LRRTM4: variants seen among roughly 807,000 people sequenced by gnomAD.
The protein encoded by LRRTM4 is leucine-rich repeat transmembrane neuronal protein 4.
LRRTM4 carries 25 observed loss-of-function variants against 47.6 expected under a neutral mutation model. The ratio of observed to expected loss-of-function variants is 0.53; its 90% CI spans 0.38 to 0.73. The LOEUF (loss-of-function observed/expected upper bound fraction) is 0.73, where lower values mean the gene tolerates loss of function less well. Among genes scored for constraint, LRRTM4 ranks in the 30% least tolerant of loss-of-function variants. The pLI is 0.00. For synonymous variants in LRRTM4, 311 were observed against 269.5 expected (o/e 1.15, Z -1.51); for missense variants, 638 against 713.4 (o/e 0.89, Z 1.20).
intron 3 of LRRTM4, among the ~76,000 whole-genome samples, chr2:77,442,879 G>A (rs916829141): frequency 1.3e-5 from 2 of 152,128 alleles, no homozygotes; most frequent in Non-Finnish European, 2.9e-5. Flanking sequence ...TAACTCCAAT[G>A]GAGAGGATAT....
chr2:77,384,177 C>T (rs904740336), intron 3 of LRRTM4, among the ~76,000 whole-genome samples: 5 of 151,332 alleles, frequency 3.3e-5, no homozygotes, highest in Admixed American at 1.3e-4. Context: ...ATATATCAGA[C>T]ATTGTGATTT....
chr2:76,950,787 T>C (rs1395696589), intron 3 of LRRTM4, among the ~76,000 whole-genome samples: 2 of 151,990 alleles, frequency 1.3e-5, no homozygotes, highest in Non-Finnish European at 2.9e-5. Flanking sequence ...CAGTTGTAGG[T>C]ACTTTTTAGA....
rs191245146 is a variant in LRRTM4, at chr2:77,382,623, T to C, written c.1551+135695A>G. 2.6e-3 allele frequency among the ~76,000 whole-genome samples: 393 copies of C among 152,216 alleles called. 1 individual carries two copies. Among genetic ancestry groups the C allele is most frequent in the African/African-American group, 9.0e-3 (376 of 41,574 alleles). On this transcript the variant is annotated intron_variant, in intron 3 of 3. Transcript: ENST00000409884. ...TTCCTATTGTCTGCTTCATGAAGTA[T>C]GCAAAAACAATTAGGAACTTATTCT...
chr2:77,105,761 T>C (rs973755233), intron 3 of LRRTM4, among the ~76,000 whole-genome samples: 1 of 152,194 alleles, frequency 6.6e-6, no homozygotes, highest in Non-Finnish European at 1.5e-5. Flanking sequence ...AGGGATTGAA[T>C]GGGATCATAG....
At chr2:77,163,636 G>T (rs1672794340) in intron 3 of LRRTM4, among the ~76,000 whole-genome samples, 1 of 151,442 alleles carries the variant, frequency 6.6e-6, no homozygotes, top group African/African-American at 2.4e-5. Flanking sequence ...TGTTACAGAA[G>T]AGAGTGGGGG....
chr2:77,458,347 C>A (rs547237398), intron 3 of LRRTM4, among the ~76,000 whole-genome samples: 2 of 151,230 alleles, frequency 1.3e-5, no homozygotes, highest in East Asian at 2.0e-4. Context: ...CAAGTCGTTT[C>A]TTTTTGTGTT....
chr2:76,901,348 A>G (rs1017675084), intron 3 of LRRTM4, among the ~76,000 whole-genome samples: 1 of 152,182 alleles, frequency 6.6e-6, no homozygotes, highest in African/African-American at 2.4e-5. Flanking sequence ...GATGGCTTCC[A>G]GTTCCATCCA....
intron 3 of LRRTM4, among the ~76,000 whole-genome samples, chr2:77,290,941 T>C (rs1676806867): frequency 6.6e-6 from 1 of 152,070 alleles, no homozygotes; most frequent in African/African-American, 2.4e-5. Flanking sequence ...AGTTCAAGCA[T>C]CTTCCAATCT....
In LRRTM4 at chr2:77,480,822, G is replaced by GTGTGT. The variant is rs1222517611; in HGVS notation, c.1551+37495_1551+37496insACACA. ...TGTGTGTGTGTGTGTGTGTGTGTGT[G>GTGTGT]GAGAGAGAGAGAGAGAGAGAGAGAG... On this transcript the variant is annotated intron_variant, in intron 3 of 3. Coordinates refer to ENST00000409884, the MANE Select transcript of LRRTM4 (RefSeq NM_001134745.3). 4.5e-3 allele frequency among the ~76,000 whole-genome samples: 337 copies of GTGTGT among 74,468 alleles called. 5 individuals carry two copies. The highest frequency in any genetic ancestry group is 0.017 in the African/African-American group (278 of 16,270). The allele number at this position is 74,468 out of a possible 152,430, so 48.9% of individuals were successfully genotyped here.
At position 77,336,621 on chromosome 2, in the gene LRRTM4, C is replaced by T. The variant is rs545501824; in HGVS notation, c.1551+181697G>A. Among the ~76,000 whole-genome samples the T allele has an allele frequency of 1.2e-4, 19 of 152,194 alleles. No homozygotes were observed. In the South Asian group the frequency reaches 3.7e-3, roughly 30 times the overall value. On this transcript the variant is annotated intron_variant, in intron 3 of 3. Coordinates refer to ENST00000409884, the MANE Select transcript of LRRTM4 (RefSeq NM_001134745.3). Reference sequence around the variant, plus strand: ...AGAATTAAAAGCAAAAAGCTATATGCTTATCTCAGTAGATGGAGAAAAAGC... The same window carrying T: ...AGAATTAAAAGCAAAAAGCTATATGTTTATCTCAGTAGATGGAGAAAAAGC...
intron 3 of LRRTM4, among the ~76,000 whole-genome samples, chr2:77,464,365 A>C (rs923167584): frequency 1.3e-5 from 2 of 152,168 alleles, no homozygotes; most frequent in African/African-American, 2.4e-5. Context: ...AGATAATGTG[A>C]ATCACATATA....
chr2:77,362,882 C>T lies in LRRTM4; in HGVS notation c.1551+155436G>A, dbSNP rs188629178. Among the ~76,000 whole-genome samples, 72 of 152,052 alleles carry T rather than the reference C, an allele frequency of 4.7e-4. No homozygotes were observed. In the South Asian group the frequency reaches 0.011, roughly 24 times the overall value. On this transcript the variant is annotated intron_variant, in intron 3 of 3. Coordinates refer to ENST00000409884, the MANE Select transcript of LRRTM4 (RefSeq NM_001134745.3). The stretch of plus-strand genomic sequence containing the variant: ...TCATCTGTAAAGAACTCAAGCTGAC[C>T]GAGTCAATATTAGCCCGTTTCTTAA...
chr2:76,748,848 G>A lies in LRRTM4; in HGVS notation c.1620C>T (p.Ala540=), dbSNP rs1406470087. 6.2e-7 allele frequency: 1 copy of A among 1,614,020 alleles called. No individual in the cohort carries two copies. The highest frequency in any genetic ancestry group is 1.3e-5 in the African/African-American group (1 of 75,062). ...CCTTGGTGACATGGAGTGGCTGGTG[G>A]GCCTGGCAGTACCCGATCACAGGCT... is the stretch of plus-strand genomic sequence containing the variant. ...YDQPVIGYCQ[A]HQPLHVTKGY... Residue 540 remains alanine (A), a synonymous_variant, in exon 4 of 4, where the codon GCC becomes GCT. Coordinates refer to ENST00000409884, the MANE Select transcript of LRRTM4 (RefSeq NM_001134745.3).
intron 3 of LRRTM4, among the ~76,000 whole-genome samples, chr2:77,344,846 C>G (rs1671504333): frequency 6.6e-6 from 1 of 151,606 alleles, no homozygotes; most frequent in Non-Finnish European, 1.5e-5. Context: ...GACATGAAGA[C>G]TAGGATACAA....
intron 3 of LRRTM4, among the ~76,000 whole-genome samples, chr2:77,196,322 A>T (rs1673826108): frequency 6.6e-6 from 1 of 152,196 alleles, no homozygotes; most frequent in Admixed American, 6.5e-5. Flanking sequence ...CGTTGAGTAC[A>T]TTCAGTATTC....
intron 3 of LRRTM4, among the ~76,000 whole-genome samples, chr2:76,843,181 C>CA (rs1671737434): frequency 6.6e-6 from 1 of 151,986 alleles, no homozygotes; most frequent in Admixed American, 6.6e-5. Context: ...AGTAGAGAAA[C>CA]AATCTACAAA....
rs555872201 is a variant in LRRTM4, at chr2:77,209,589, A to G, written c.1551+308729T>C. Among the ~76,000 whole-genome samples, 3 of 152,318 alleles carry G rather than the reference A, an allele frequency of 2.0e-5. No individual in the cohort carries two copies. The South Asian group carries it at 6.2e-4, about 32-fold the overall frequency. On this transcript the variant is annotated intron_variant, in intron 3 of 3. Transcript: ENST00000409884. The stretch of plus-strand genomic sequence containing the variant: ...AATGTTACAATTCAAATAAAAATTC[A>G]TTTGTTGGAACACTCACACATGTTG...
At position 76,792,605 on chromosome 2, in the gene LRRTM4, C is replaced by G. The variant is rs567443211; in HGVS notation, c.1552-43689G>C. On this transcript the variant is annotated intron_variant, in intron 3 of 3. Coordinates refer to ENST00000409884, the MANE Select transcript of LRRTM4 (RefSeq NM_001134745.3). ...CAATCAGAGAATAAAGTGTGTGATGCAAGAGAAGCTGCTTTATGGGTAGTA... is the reference window on the plus strand; with the variant it reads ...CAATCAGAGAATAAAGTGTGTGATGGAAGAGAAGCTGCTTTATGGGTAGTA... Among the ~76,000 whole-genome samples, 115 of 152,180 alleles carry G rather than the reference C, an allele frequency of 7.6e-4. 1 individual carries two copies. The highest frequency in any genetic ancestry group is 6.8e-3 in the Middle Eastern group (2 of 292).
At chr2:76,864,071 A>T (rs1006227036) in intron 3 of LRRTM4, among the ~76,000 whole-genome samples, 1 of 152,246 alleles carries the variant, frequency 6.6e-6, no homozygotes, top group Non-Finnish European at 1.5e-5. Flanking sequence ...AATTGGGAAT[A>T]TTCCATCAAA....
Sources: gnomAD v4.1 joint callset for allele counts (sites outside exome capture counted in the v4.1 genomes callset) on GRCh38, gnomAD v4.1.1 for gene constraint, MANE v1.5 for transcripts, NCBI Gene and HGNC (gene_info 2026-07-23, HGNC 2026-07-21) for gene names.